Variants in AFP observed in about 807,000 individuals in gnomAD.
AFP encodes alpha-fetoprotein.
A neutral mutation model predicts 78.9 loss-of-function variants in AFP; 64 were observed. The ratio of observed to expected loss-of-function variants is 0.81; its 90% confidence interval spans 0.66 to 1.00. AFP has a LOEUF of 1.00. Among genes scored for constraint, AFP ranks in the 50% least tolerant of loss-of-function variants. The pLI, the probability that AFP is intolerant of heterozygous loss-of-function variation, is 0.00. For missense variants in AFP, 689 were observed against 703.8 expected, an observed-to-expected ratio of 0.98 and a Z score of 0.24; for synonymous variants, 254 against 243.8, an observed-to-expected ratio of 1.04 and a Z score of -0.39.
At chr4:73,445,322 C>T (rs1283465003) in intron 7 of AFP, among the ~76,000 whole-genome samples, 200 bp downstream of exon 7, 1 of 152,018 alleles carries the variant, frequency 6.6e-6, no homozygotes, top group African/African-American at 2.4e-5. Flanking sequence ...AGCTATACCC[C>T]TTTTTGTGAA....
At chr4:73,443,124 G>A (rs1191805170) in intron 5 of AFP, among the ~76,000 whole-genome samples, 1 of 151,978 alleles carries the variant, frequency 6.6e-6, no homozygotes, top group Non-Finnish European at 1.5e-5. Flanking sequence ...TTGTTTCAAG[G>A]TACTTTGAGT....
Position 73,454,015 on chromosome 4 carries a change from C to A in AFP, c.1785+118C>A. 2.4e-6 allele frequency: 3 copies of A among 1,248,356 alleles called. No homozygotes were observed. In the Admixed American group the frequency reaches 6.6e-5, roughly 27 times the overall value. 77.3% of individuals were successfully genotyped at this position (1,248,356 alleles called of 1,614,324 possible). On this transcript the variant is annotated intron_variant, in intron 13 of 14. Transcript: ENST00000395792. ...AATATTTTCAGAGAGATTTAAATTT[C>A]ATTGAGAAGCAGATTGAGGGATTCT...
Position 73,447,636 on chromosome 4 carries a change from A to C in AFP, c.1018A>C (p.Asn340His), listed in dbSNP as rs1161405762. ...LNRFLGDRDF[N>H]QFSSGEKNIF... ...CAGGTTTTTAGGAGATAGAGATTTT[A>C]ACCAATTTTCTTCAGGGGAAAAAAA... Residue 340 changes from asparagine (N) to histidine (H), a missense_variant, in exon 8 of 15, where the codon AAC becomes CAC. Physicochemically the swap from Asn to His is moderately conservative, Grantham distance 68. Coordinates refer to ENST00000395792, the MANE Select transcript of AFP (RefSeq NM_001134.3). 2.5e-6 allele frequency: 4 copies of C among 1,611,698 alleles called. No individual in the cohort carries two copies. Among genetic ancestry groups the C allele is most frequent in the Non-Finnish European group, 3.4e-6 (4 of 1,179,574 alleles).
At chr4:73,443,740 T>C (rs1719742860) in intron 6 of AFP, among the ~76,000 whole-genome samples, 1 of 152,174 alleles carries the variant, frequency 6.6e-6, no homozygotes. Context: ...CATCAAATTA[T>C]ACCTCATCAC....
Position 73,455,122 on chromosome 4 carries a change from T to A in AFP, c.1786-114T>A, listed in dbSNP as rs189159565. 3.0e-4 allele frequency: 258 copies of A among 850,976 alleles called. 1 individual carries two copies. Among genetic ancestry groups the A allele is most frequent in the Admixed American group, 8.9e-4 (46 of 51,968 alleles). The allele number at this position is 850,976 out of a possible 1,614,324, so 52.7% of individuals were successfully genotyped here. On this transcript the variant is annotated intron_variant, in intron 13 of 14. Coordinates refer to ENST00000395792, the MANE Select transcript of AFP (RefSeq NM_001134.3). ...GCATCAGAGATGTGTTTCTTCATTT[T>A]TAACTTAGTTAATCTACAAACCTAT...
chr4:73,442,372 A>G lies in AFP; in HGVS notation c.559A>G (p.Lys187Glu). Residue 187 changes from lysine to glutamate, a missense_variant, in exon 5 of 15, where the codon AAA becomes GAA. By Grantham distance (56) the Lys-to-Glu change is moderately conservative (BLOSUM62 1). Coordinates refer to ENST00000395792, the MANE Select transcript of AFP (RefSeq NM_001134.3). ...TCTTCTTTGGGCTGCTCGCTATGAC[A>G]AAATAATTCCATCTTGCTGCAAAGC... ...TILLWAARYD[K>E]IIPSCCKAEN... The G allele has an allele frequency of 6.2e-7, 1 of 1,614,110 alleles. No homozygotes were observed. Among genetic ancestry groups the G allele is most frequent in the Non-Finnish European group, 8.5e-7 (1 of 1,179,986 alleles).
intron 3 of AFP, among the ~76,000 whole-genome samples, chr4:73,438,625 A>G (rs1161030246): frequency 1.3e-5 from 2 of 152,154 alleles, no homozygotes; most frequent in African/African-American, 2.4e-5. Context: ...CTCCCATTTC[A>G]TAGTTAGCAT....
At chr4:73,448,399 C>G (rs1719893981) in intron 8 of AFP, among the ~76,000 whole-genome samples, 2 of 152,060 alleles carry the variant, frequency 1.3e-5, no homozygotes, top group Admixed American at 1.3e-4. Context: ...AAGGGTCTTT[C>G]TAGATTTAAA....
intron 2 of AFP, 132 bp downstream of exon 2, chr4:73,437,343 C>A: frequency 2.9e-6 from 2 of 700,598 alleles, no homozygotes; most frequent in Non-Finnish European, 5.0e-6. Flanking sequence ...AAAAGTTACT[C>A]ATACTGAATA....
chr4:73,452,340 T>G, intron 11 of AFP, 61 bp from the exon 12 acceptor site: 1 of 1,431,012 alleles, frequency 7.0e-7, no homozygotes, highest in South Asian at 1.2e-5. Context: ...TCTGAAAAAC[T>G]GAACCAACTT....
In AFP at chr4:73,445,090, A is replaced by C. The variant is rs1247096142; in HGVS notation, c.811A>C (p.Arg271=). ...DVAHVHEHCC[R]GDVLDCLQDG... ...GGCCCATGTACATGAGCACTGTTGC[A>C]GAGGAGATGTGCTGGATTGTCTGCA... is the stretch of plus-strand genomic sequence containing the variant. Residue 271 remains arginine (R), a synonymous_variant, in exon 7 of 15, where the codon AGA becomes CGA. Coordinates refer to ENST00000395792, the MANE Select transcript of AFP (RefSeq NM_001134.3). The C allele has an allele frequency of 6.2e-7, 1 of 1,614,020 alleles. No homozygotes were observed. The highest frequency in any genetic ancestry group is 8.5e-7 in the Non-Finnish European group (1 of 1,179,906).
intron 5 of AFP, 127 bp from the exon 6 acceptor site, chr4:73,443,220 A>T: frequency 1.3e-6 from 1 of 781,418 alleles, no homozygotes; most frequent in South Asian, 1.6e-5. Context: ...GACATTTATA[A>T]TTTTTAGTAA....
chr4:73,453,238 A>C (rs1030609123), intron 12 of AFP, among the ~76,000 whole-genome samples: 1 of 152,130 alleles, frequency 6.6e-6, no homozygotes, highest in Non-Finnish European at 1.5e-5. Flanking sequence ...TCACAGTCTG[A>C]GGTATGTTTC....
chr4:73,455,293 A>G lies in AFP; in HGVS notation c.*10+3A>G, dbSNP rs781566552. 9 of 1,608,990 alleles carry G rather than the reference A, an allele frequency of 5.6e-6. No homozygotes were observed. The highest frequency in any genetic ancestry group is 7.7e-6 in the Non-Finnish European group (9 of 1,175,848). ...TTTGGGAGTTTAAATTACTTCAGGTAACAAAACATTCAGACAAGCCTGAAT... is the reference window on the plus strand; with the variant it reads ...TTTGGGAGTTTAAATTACTTCAGGTGACAAAACATTCAGACAAGCCTGAAT... On this transcript the variant is annotated splice_donor_region_variant and intron_variant, in intron 14 of 14. Coordinates refer to ENST00000395792, the MANE Select transcript of AFP (RefSeq NM_001134.3).
chr4:73,442,574 G>T, intron 5 of AFP, 146 bp downstream of exon 5: 1 of 963,580 alleles, frequency 1.0e-6, no homozygotes, highest in Non-Finnish European at 1.6e-6. Flanking sequence ...TATTCTTCGA[G>T]TGAACAAAAC....
rs1720143737 is a variant in AFP at position 73,455,793 on chromosome 4, G to T, written c.*173G>T. On this transcript the variant is annotated 3_prime_UTR_variant, in exon 15 of 15. Transcript: ENST00000395792. ...TCCAAATGTTTCCTTTTCCAAGTTTGCTTATTTATGAAAAGTTATCGATAA... is the reference window on the plus strand; with the variant it reads ...TCCAAATGTTTCCTTTTCCAAGTTTTCTTATTTATGAAAAGTTATCGATAA... The T allele has an allele frequency of 1.6e-6, 1 of 621,958 alleles. No individual in the cohort carries two copies. The highest frequency in any genetic ancestry group is 1.9e-5 in the African/African-American group (1 of 53,134). 38.5% of individuals were successfully genotyped at this position (621,958 alleles called of 1,614,324 possible). A position where few individuals can be genotyped will look rare whatever the true frequency, so the allele number is the denominator to read the frequency against.
chr4:73,436,403 T>C (rs868268082), intron 1 of AFP, 56 bp downstream of exon 1: 17 of 1,030,944 alleles, frequency 1.6e-5, no homozygotes, highest in Middle Eastern at 3.1e-4. Context: ...TTTTAAATTA[T>C]AAAATTTGCA....
intron 3 of AFP, among the ~76,000 whole-genome samples, chr4:73,438,686 T>C (rs141465709): frequency 5.3e-5 from 8 of 152,104 alleles, no homozygotes; most frequent in Non-Finnish European, 1.0e-4. Context: ...ACACACAATG[T>C]GACTGGCATT....
At chr4:73,446,912 G>A (rs1248022994) in intron 7 of AFP, among the ~76,000 whole-genome samples, 1 of 152,192 alleles carries the variant, frequency 6.6e-6, no homozygotes, top group Admixed American at 6.5e-5. Context: ...ATGAGAAAAG[G>A]CAAAAGTGGG....
Sources: gnomAD v4.1 joint callset for allele counts (sites outside exome capture counted in the v4.1 genomes callset) on GRCh38, gnomAD v4.1.1 for gene constraint, MANE v1.5 for transcripts, NCBI Gene and HGNC (gene_info 2026-07-23, HGNC 2026-07-21) for gene names.